TLE3: variants seen among roughly 807,000 people sequenced by gnomAD.
TLE3 encodes the protein transducin-like enhancer protein 3.
TLE3 carries 14 observed loss-of-function variants against 93.0 expected under a neutral mutation model. That is an observed-to-expected ratio of 0.15 (90% CI 0.10 to 0.24). The LOEUF (loss-of-function observed/expected upper bound fraction) is 0.24. Ranked by LOEUF, TLE3 falls within the 10% of genes least tolerant of loss-of-function variation. The probability of loss-of-function intolerance (pLI) is 1.00; values close to 1 mark genes in which losing one functional copy is unlikely to be tolerated. For missense variants in TLE3, 693 were observed against 1,046.6 expected (o/e 0.66, Z 4.66); for synonymous variants, 451 against 425.0 (o/e 1.06, Z -0.75).
intron 7 of TLE3, among the ~76,000 whole-genome samples, chr15:70,065,537 C>T (rs1037667781): frequency 6.6e-6 from 1 of 152,206 alleles, no homozygotes; most frequent in African/African-American, 2.4e-5. Flanking sequence ...AGGAAAACAC[C>T]CAAGAACTTG....
At chr15:70,080,056 A>C (rs947877348) in intron 4 of TLE3, among the ~76,000 whole-genome samples, 2 of 33,638 alleles carry the variant, frequency 5.9e-5, no homozygotes, top group Non-Finnish European at 9.0e-5. Context: ...CATCAGTTCC[A>C]AAAAAGGAAA....
Position 70,058,737 on chromosome 15 carries a change from CT to C in TLE3, c.843del (p.Asp282MetfsTer69). The C allele has an allele frequency of 6.2e-7, 1 of 1,610,932 alleles. No homozygotes were observed. Among genetic ancestry groups the C allele is most frequent in the Non-Finnish European group, 8.5e-7 (1 of 1,178,772 alleles). On this transcript the variant is annotated frameshift_variant, in exon 11 of 20. Transcript: ENST00000451782. LOFTEE classifies it high-confidence loss of function. The surrounding 1 kb of genome is among the most constrained non-coding windows in gnomAD (Gnocchi z 4.1). ...NGLDKARSLK[K>X]DAPTSPASVA... ...ACCGAGGCAGGGCTGGTGGGGGCAT[CT>C]TTTTTCAGGCTACGGGCCTTGTCCA...
chr15:70,062,426 G>A (rs778091285), intron 8 of TLE3, among the ~76,000 whole-genome samples: 97 of 152,214 alleles, frequency 6.4e-4, no homozygotes, highest in Non-Finnish European at 1.1e-3. Context: ...CTCGCGACCC[G>A]GTGCTCGGCT....
rs777232723 is a variant in TLE3 at position 70,060,600 on chromosome 15, C to T, written c.644G>A (p.Arg215Gln). ...SESLRASEKH[R>Q]GSADYSMEAK... is the part of the protein sequence containing the mutation. ...TTCCATGCTGTAGTCCGCAGAGCCCCGGTGCTTCTCACTGGCCCGGAGGCT... is the reference window on the plus strand; with the variant it reads ...TTCCATGCTGTAGTCCGCAGAGCCCTGGTGCTTCTCACTGGCCCGGAGGCT... The change falls in exon 9 of 20, where the codon CGG becomes CAG. Residue 215 changes from arginine to glutamine, a missense_variant. Physicochemically the swap from Arg to Gln is conservative, Grantham distance 43. Coordinates refer to ENST00000451782, the MANE Select transcript of TLE3 (RefSeq NM_001105192.3). The T allele has an allele frequency of 1.4e-5, 22 of 1,613,848 alleles. No homozygotes were observed. Among genetic ancestry groups the T allele is most frequent in the South Asian group, 5.5e-5 (5 of 91,090 alleles).
chr15:70,056,137 A>G, intron 14 of TLE3, 161 bp downstream of exon 14: 1 of 781,888 alleles, frequency 1.3e-6, no homozygotes, highest in South Asian at 1.5e-5. Flanking sequence ...CTGGGGTTGC[A>G]ACCAGCCCTC....
At chr15:70,091,774 G>A (rs1480138473) in intron 4 of TLE3, among the ~76,000 whole-genome samples, 10 of 152,054 alleles carry the variant, frequency 6.6e-5, no homozygotes, top group Admixed American at 1.3e-4. Flanking sequence ...GTCAATACCC[G>A]GGCCCATCTG....
At chr15:70,069,253 C>T (rs1415995368) in intron 6 of TLE3, among the ~76,000 whole-genome samples, 2 of 152,210 alleles carry the variant, frequency 1.3e-5, no homozygotes. Flanking sequence ...GTGCCAACCG[C>T]CTCCCAGCTC....
At chr15:70,079,367 G>A (rs1261412600) in intron 4 of TLE3, 1 of 498,468 alleles carries the variant, frequency 2.0e-6, no homozygotes, top group South Asian at 1.4e-5. Flanking sequence ...GTGTAGGGTT[G>A]AGGCAGGCAG....
intron 4 of TLE3, among the ~76,000 whole-genome samples, chr15:70,092,049 G>C (rs1407075400): frequency 7.1e-6 from 1 of 140,104 alleles, no homozygotes; most frequent in Middle Eastern, 3.8e-3. Context: ...GTCAAGTCTA[G>C]AGGGCAGGAC....
In TLE3 at chr15:70,058,441, G is replaced by T. The variant is rs962172068; in HGVS notation, c.919-150C>A. The stretch of plus-strand genomic sequence containing the variant: ...AGCCTCTCAATCCTTGCCCAACCTT[G>T]TTTGGCAGGGACTGGGGTGATCACT... On this transcript the variant is annotated intron_variant, in intron 11 of 19. Transcript: ENST00000451782. The surrounding 1 kb of genome is among the most constrained non-coding windows in gnomAD (Gnocchi z 4.1). 6.5e-6 allele frequency: 9 copies of T among 1,387,152 alleles called. No individual in the cohort carries two copies. The highest frequency in any genetic ancestry group is 8.8e-6 in the Non-Finnish European group (9 of 1,022,928). The allele number at this position is 1,387,152 out of a possible 1,614,324, so 85.9% of individuals were successfully genotyped here.
rs141534941 is a variant in TLE3, at chr15:70,055,007, C to A, written c.1578+42G>T. On this transcript the variant is annotated intron_variant, in intron 15 of 19. Coordinates refer to ENST00000451782, the MANE Select transcript of TLE3 (RefSeq NM_001105192.3). ...CTGTGGCCCAGGCTGCCCCATCCTCCTACACCAGCTGGAGGCGGCGCAGCA... is the reference window on the plus strand; with the variant it reads ...CTGTGGCCCAGGCTGCCCCATCCTCATACACCAGCTGGAGGCGGCGCAGCA... The A allele has an allele frequency of 7.4e-5, 115 of 1,554,430 alleles. No individual in the cohort carries two copies. The African/African-American group carries it at 1.5e-3, about 20-fold the overall frequency.
intron 4 of TLE3, among the ~76,000 whole-genome samples, chr15:70,076,926 C>T (rs1272979279): frequency 6.6e-6 from 1 of 152,126 alleles, no homozygotes; most frequent in Non-Finnish European, 1.5e-5. Flanking sequence ...CCACGTTGTC[C>T]AGGCTGGTTT....
intron 14 of TLE3, chr15:70,056,003 G>A (rs368409245): frequency 2.0e-6 from 1 of 500,010 alleles, no homozygotes; most frequent in Non-Finnish European, 3.7e-6. Flanking sequence ...CACAGCTCCA[G>A]GTGACTCGGT....
intron 8 of TLE3, chr15:70,060,870 C>T: frequency 1.6e-6 from 1 of 630,440 alleles, no homozygotes; most frequent in Non-Finnish European, 2.8e-6. Flanking sequence ...GGCGCATCCC[C>T]AATTCTCTTT....
intron 4 of TLE3, among the ~76,000 whole-genome samples, chr15:70,076,843 C>CCAG (rs2057471233): frequency 6.6e-6 from 1 of 152,160 alleles, no homozygotes; most frequent in South Asian, 2.1e-4. Context: ...GCCTCAGCCT[C>CCAG]CCAAATATCT....
rs539454522 is a variant in TLE3 at position 70,097,124 on chromosome 15, C to T, written c.-326G>A. 1.7e-3 allele frequency: 715 copies of T among 432,128 alleles called. 2 individuals carry two copies. Among genetic ancestry groups the T allele is most frequent in the African/African-American group, 0.014 (659 of 48,482 alleles). 26.8% of individuals were successfully genotyped at this position (432,128 alleles called of 1,614,324 possible). ...TCGAGCGCGTCAATGCCTGGGACTG[C>T]GCGGACATCGTCGGCTCCCCAGCAG... On this transcript the variant is annotated 5_prime_UTR_variant, in exon 1 of 20. Coordinates refer to ENST00000451782, the MANE Select transcript of TLE3 (RefSeq NM_001105192.3).
In TLE3 at chr15:70,058,077, GT is replaced by G; in HGVS notation, c.1051+81del. On this transcript the variant is annotated intron_variant, in intron 12 of 19. Coordinates refer to ENST00000451782, the MANE Select transcript of TLE3 (RefSeq NM_001105192.3). The surrounding 1 kb of genome is among the most constrained non-coding windows in gnomAD (Gnocchi z 4.1). ...ACTGCCTGTGCTCTATCCCATGCGT[GT>G]GTGTCACCCCTGCCCTGGCCAAGAG... 1 of 1,598,008 alleles carries G rather than the reference GT, an allele frequency of 6.3e-7. No individual in the cohort carries two copies. The highest frequency in any genetic ancestry group is 1.7e-4 in the Middle Eastern group (1 of 5,872).
chr15:70,052,336 A>AC, intron 18 of TLE3, 38 bp downstream of exon 18: 3 of 1,601,226 alleles, frequency 1.9e-6, no homozygotes, highest in Non-Finnish European at 2.6e-6. Flanking sequence ...TGGGTTCCCC[A>AC]CCCCACTCCA....
intron 6 of TLE3, among the ~76,000 whole-genome samples, chr15:70,074,190 C>A (rs550513584): frequency 6.6e-6 from 1 of 152,354 alleles, no homozygotes; most frequent in African/African-American, 2.4e-5. Flanking sequence ...GAGGAGGTGG[C>A]CAGGTACTGG....
Sources: allele counts gnomAD v4.1 joint callset (sites outside exome capture counted in the v4.1 genomes callset), GRCh38; gene constraint gnomAD v4.1.1; non-coding constraint Gnocchi (gnomAD v3.1); transcripts MANE v1.5; gene names NCBI Gene and HGNC (gene_info 2026-07-23, HGNC 2026-07-21).